The following TG variants were observed in gnomAD, a reference collection of about 807,000 sequenced individuals.
TG encodes the protein thyroglobulin, also known as thyroid hormones.
In TG, 270 loss-of-function variants were observed where a neutral mutation model predicts 324.7. The observed-to-expected ratio is 0.83, with a 90% CI of 0.75 to 0.92. The LOEUF (loss-of-function observed/expected upper bound fraction) is 0.92, where lower values mean the gene tolerates loss of function less well. TG is among the 40% of genes least tolerant of loss of function. The pLI, the probability that TG is intolerant of heterozygous loss-of-function variation, is 0.00. For missense variants in TG, 3,591 were observed against 3,456.4 expected (o/e 1.04, Z -0.98); for synonymous variants, 1,401 against 1,327.0 (o/e 1.06, Z -1.21).
chr8:132,963,109 G>A, intron 29 of TG, 35 bp downstream of exon 29: 2 of 1,598,980 alleles, frequency 1.3e-6, no homozygotes, highest in Non-Finnish European at 1.7e-6. Flanking sequence ...ACACTTGGGT[G>A]TCTGAATGCA....
chr8:133,118,621 G>A (rs186357213), intron 45 of TG, among the ~76,000 whole-genome samples: 157 of 152,194 alleles, frequency 1.0e-3, no homozygotes, highest in Non-Finnish European at 1.4e-3. Context: ...CACTGTACCT[G>A]GCCCTGACTC....
intron 21 of TG, among the ~76,000 whole-genome samples, chr8:132,922,563 G>A (rs1821258515): frequency 6.6e-6 from 1 of 152,338 alleles, no homozygotes; most frequent in Non-Finnish European, 1.5e-5. Context: ...GGGCCTGACT[G>A]GGCTGGGACG....
In TG at chr8:133,050,425, A is replaced by G. The variant is rs190941526; in HGVS notation, c.7239+20402A>G. 683 of 250,958 alleles carry G rather than the reference A, an allele frequency of 2.7e-3. 4 individuals are homozygous for G. The highest frequency in any genetic ancestry group is 4.3e-3 in the Non-Finnish European group (559 of 128,674). The allele number at this position is 250,958 out of a possible 1,614,324, so 15.5% of individuals were successfully genotyped here. ...CATATTGAATCAGACTGCAGAGGTA[A>G]GAGGAGAGAAGGCAAATTTTTGTTT... On this transcript the variant is annotated intron_variant, in intron 41 of 47. Transcript: ENST00000220616.
intron 29 of TG, among the ~76,000 whole-genome samples, chr8:132,963,379 A>T (rs1199575097): frequency 6.6e-6 from 1 of 152,258 alleles, no homozygotes; most frequent in African/African-American, 2.4e-5. Context: ...ACTGTGGCCA[A>T]TGGGCTTCAC....
Position 133,104,030 on chromosome 8 carries a change from G to A in TG, c.7572+7657G>A, listed in dbSNP as rs958950291. Among the ~76,000 whole-genome samples, 6 of 152,316 alleles carry A rather than the reference G, an allele frequency of 3.9e-5. No individual in the cohort carries two copies. The East Asian group carries it at 5.8e-4, about 15-fold the overall frequency. On this transcript the variant is annotated intron_variant, in intron 43 of 47. Transcript: ENST00000220616. ...TAGGGGCAGTCAGAGAAGGCTTTTC[G>A]GAGGAGGTGACTTCTGGACTGAGGC...
rs561422544 is a variant in TG, at chr8:132,903,767, T to G, written c.3634+2214T>G. 1.1e-3 allele frequency among the ~76,000 whole-genome samples: 174 copies of G among 152,262 alleles called. 1 individual carries two copies. Among genetic ancestry groups the G allele is most frequent in the African/African-American group, 4.1e-3 (171 of 41,552 alleles). On this transcript the variant is annotated intron_variant, in intron 16 of 47. Transcript: ENST00000220616. The stretch of plus-strand genomic sequence containing the variant: ...CAGGCGGCAGACAGACAGGCTTGAA[T>G]GGCAGCTCCACCACTCACTTGCCAG...
At chr8:132,889,456 C>T (rs952861798) in intron 10 of TG, among the ~76,000 whole-genome samples, 1 of 152,188 alleles carries the variant, frequency 6.6e-6, no homozygotes, top group African/African-American at 2.4e-5. Context: ...TTTAAAATGT[C>T]GGGTGAAAGT....
At chr8:133,058,143 T>G (rs1841793904) in intron 41 of TG, among the ~76,000 whole-genome samples, 2 of 152,356 alleles carry the variant, frequency 1.3e-5, no homozygotes, top group African/African-American at 4.8e-5. Context: ...TGGGGACTAC[T>G]TAACACGGCA....
Position 132,898,181 on chromosome 8 carries a change from G to A in TG, c.3152G>A (p.Cys1051Tyr), listed in dbSNP as rs1207111376. 5 of 1,603,768 alleles carry A rather than the reference G, an allele frequency of 3.1e-6. No homozygotes were observed. In the East Asian group the frequency reaches 8.9e-5, roughly 29 times the overall value. ...GGCTCTTTTCCAGGGCACTGCTGGT[G>A]TGTAGATGAGAAAGGAGGGTTCATC... ...QCHAGTGHCW[C>Y]VDEKGGFIPG... The change falls in exon 13 of 48, where the codon TGT (cysteine) becomes TAT (tyrosine). Residue 1051 changes from cysteine (C) to tyrosine (Y), a missense_variant. By Grantham distance (194) the Cys-to-Tyr change is radical. Transcript: ENST00000220616.
chr8:132,907,400 A>G (rs1245691504), intron 17 of TG, among the ~76,000 whole-genome samples: 1 of 152,106 alleles, frequency 6.6e-6, no homozygotes, highest in Non-Finnish European at 1.5e-5. Flanking sequence ...TGATTGCTGG[A>G]ACTTGTGTAA....
At chr8:133,052,264 G>A (rs927980384) in intron 41 of TG, among the ~76,000 whole-genome samples, 2 of 152,200 alleles carry the variant, frequency 1.3e-5, no homozygotes, top group Admixed American at 6.5e-5. Flanking sequence ...TATGCTTATC[G>A]ATTGATAAAT....
chr8:132,975,927 G>T (rs1306349241), intron 34 of TG, among the ~76,000 whole-genome samples: 1 of 152,112 alleles, frequency 6.6e-6, no homozygotes, highest in Non-Finnish European at 1.5e-5. Context: ...CTTGTGCTGG[G>T]TCTCTCTTAC....
At chr8:133,033,494 G>A (rs1183366699) in intron 41 of TG, among the ~76,000 whole-genome samples, 2 of 152,136 alleles carry the variant, frequency 1.3e-5, no homozygotes, top group Non-Finnish European at 2.9e-5. Context: ...CTATGACAGC[G>A]CCCCAAGTCT....
At chr8:133,011,625 T>C (rs1168723135) in intron 35 of TG, among the ~76,000 whole-genome samples, 1 of 152,254 alleles carries the variant, frequency 6.6e-6, no homozygotes, top group East Asian at 1.9e-4. Context: ...CCCATTCTAC[T>C]ATGAGCTGCT....
chr8:132,986,158 A>G (rs1453850112), intron 35 of TG, among the ~76,000 whole-genome samples: 3 of 152,006 alleles, frequency 2.0e-5, no homozygotes, highest in African/African-American at 7.2e-5. Flanking sequence ...TAGAAAGAAA[A>G]TCACAGTTAT....
chr8:132,876,173 G>A (rs898747451), intron 5 of TG, among the ~76,000 whole-genome samples: 4 of 152,148 alleles, frequency 2.6e-5, no homozygotes, highest in African/African-American at 9.7e-5. Context: ...CTCCGAGTTT[G>A]GAGGCTACTG....
chr8:132,953,278 T>A (rs1826377027), intron 27 of TG, among the ~76,000 whole-genome samples: 1 of 152,160 alleles, frequency 6.6e-6, no homozygotes, highest in Non-Finnish European at 1.5e-5. Context: ...GAGCAGCCCC[T>A]GTGTTTCCTC....
intron 34 of TG, among the ~76,000 whole-genome samples, chr8:132,981,890 G>A (rs1390220946): frequency 6.6e-6 from 1 of 152,198 alleles, no homozygotes; most frequent in Non-Finnish European, 1.5e-5. Context: ...CAAAGAGGCT[G>A]GGGCTTGGCA....
At chr8:132,901,608 C>T in intron 16 of TG, 55 bp downstream of exon 16, 1 of 1,566,124 alleles carries the variant, frequency 6.4e-7, no homozygotes, top group South Asian at 1.2e-5. Flanking sequence ...TTCTTTGATC[C>T]AGACTGGGTG....
Sources: gnomAD v4.1 joint callset for allele counts (sites outside exome capture counted in the v4.1 genomes callset) on GRCh38, gnomAD v4.1.1 for gene constraint, MANE v1.5 for transcripts, NCBI Gene and HGNC (gene_info 2026-07-23, HGNC 2026-07-21) for gene names.